Variants in SORCS1 observed in about 807,000 individuals in gnomAD.
SORCS1 encodes sortilin related VPS10 domain containing receptor 1.
In SORCS1, 60 loss-of-function variants were observed where a neutral mutation model predicts 146.1. The observed-to-expected ratio is 0.41, with a 90% CI of 0.33 to 0.51. The LOEUF is 0.51. Ranked by LOEUF, SORCS1 falls within the 20% of genes least tolerant of loss-of-function variation. SORCS1 has a pLI of 0.21. For missense variants in SORCS1, 1,352 were observed against 1,487.6 expected (o/e 0.91, Z 1.50); for synonymous variants, 637 against 584.0 (o/e 1.09, Z -1.31).
intron 5 of SORCS1, among the ~76,000 whole-genome samples, chr10:106,737,750 C>T (rs968803912): frequency 6.6e-6 from 1 of 152,054 alleles, no homozygotes; most frequent in Non-Finnish European, 1.5e-5. Flanking sequence ...AGAGAGATAC[C>T]AGGGACCATG....
intron 22 of SORCS1, among the ~76,000 whole-genome samples, chr10:106,610,227 T>C (rs550077173): frequency 1.3e-5 from 2 of 151,940 alleles, no homozygotes; most frequent in East Asian, 3.9e-4. Context: ...CTCCTTGGAA[T>C]AAGGAAGAGG....
rs1440452585 is a variant in SORCS1 at position 106,577,235 on chromosome 10, A to G, written c.*185T>C. 1 of 1,590,910 alleles carries G rather than the reference A, an allele frequency of 6.3e-7. No individual in the cohort carries two copies. The highest frequency in any genetic ancestry group is 1.1e-5 in the South Asian group (1 of 89,802). ...GCGTCCTCCATTCAAACATTTACAT[A>G]GGTAGGGATTTCTTTTGTGCTTTGA... On this transcript the variant is annotated 3_prime_UTR_variant, in exon 26 of 26. Transcript: ENST00000263054.
At chr10:106,777,373 A>G (rs1298046063) in intron 3 of SORCS1, among the ~76,000 whole-genome samples, 1 of 152,212 alleles carries the variant, frequency 6.6e-6, no homozygotes, top group Non-Finnish European at 1.5e-5. Context: ...CTGTCTGTAT[A>G]GTTCACAGAT....
chr10:106,626,083 A>T (rs1297615063), intron 19 of SORCS1, among the ~76,000 whole-genome samples: 1 of 152,154 alleles, frequency 6.6e-6, no homozygotes, highest in Non-Finnish European at 1.5e-5. Flanking sequence ...TGACCTTTGC[A>T]AACCCATCTT....
chr10:107,141,063 T>C (rs1394284068), intron 1 of SORCS1, among the ~76,000 whole-genome samples: 1 of 152,164 alleles, frequency 6.6e-6, no homozygotes, highest in Admixed American at 6.5e-5. Flanking sequence ...AGATTTCTCA[T>C]CTGTAAAATG....
chr10:106,700,641 A>T (rs911956798), intron 8 of SORCS1, among the ~76,000 whole-genome samples: 3 of 152,074 alleles, frequency 2.0e-5, no homozygotes, highest in Non-Finnish European at 4.4e-5. Context: ...TACTAACCTA[A>T]ATTTCTTATT....
chr10:107,085,674 G>GA (rs111765455), intron 1 of SORCS1, among the ~76,000 whole-genome samples: 5,510 of 152,236 alleles, frequency 0.036, 328 homozygotes, highest in African/African-American at 0.12. Context: ...CTCCAGCTCA[G>GA]AAAATACAGA....
At chr10:107,124,780 C>T (rs1356860351) in intron 1 of SORCS1, among the ~76,000 whole-genome samples, 2 of 151,904 alleles carry the variant, frequency 1.3e-5, no homozygotes, top group East Asian at 3.9e-4. Context: ...AAAAAGCAAC[C>T]GTGTATGAAA....
chr10:106,852,627 CA>C (rs370300215), intron 2 of SORCS1, among the ~76,000 whole-genome samples: 4,550 of 84,986 alleles, frequency 0.054, 141 homozygotes, highest in East Asian at 0.29. Flanking sequence ...GACCCTGTCT[CA>C]AAAAAAAAAA....
At position 107,022,414 on chromosome 10, in the gene SORCS1, C is replaced by T. The variant is rs76672890; in HGVS notation, c.559-65834G>A. ...GTGAAAGATTATTTAGCAGAATTTC[C>T]GAATGTTAGCTTTAGAAACAACCCT... is the stretch of plus-strand genomic sequence containing the variant. On this transcript the variant is annotated intron_variant, in intron 1 of 25. Transcript: ENST00000263054. Among the ~76,000 whole-genome samples, 1,222 of 152,136 alleles carry T rather than the reference C, an allele frequency of 8.0e-3. 10 individuals carry two copies. The highest frequency in any genetic ancestry group is 0.014 in the Non-Finnish European group (965 of 68,002).
chr10:106,673,734 G>A (rs1312526076), intron 14 of SORCS1, among the ~76,000 whole-genome samples: 1 of 152,168 alleles, frequency 6.6e-6, no homozygotes, highest in African/African-American at 2.4e-5. Flanking sequence ...CCTAGTGAAA[G>A]TGATCAGCAG....
chr10:106,996,515 C>A (rs1479150894), intron 1 of SORCS1, among the ~76,000 whole-genome samples: 2 of 152,122 alleles, frequency 1.3e-5, no homozygotes, highest in Admixed American at 1.3e-4. Context: ...TTGAGCTCAA[C>A]CTTGGCCCCT....
chr10:106,679,918 C>T (rs954496450), intron 10 of SORCS1, among the ~76,000 whole-genome samples, 184 bp from the exon 11 acceptor site: 2 of 152,108 alleles, frequency 1.3e-5, no homozygotes, highest in Admixed American at 6.6e-5. Context: ...CTAGTGTCCA[C>T]TAAGTGTAAA....
intron 1 of SORCS1, among the ~76,000 whole-genome samples, chr10:107,136,460 G>A (rs1467150443): frequency 6.6e-6 from 1 of 152,182 alleles, no homozygotes; most frequent in African/African-American, 2.4e-5. Context: ...CTTGAAAACA[G>A]TGGGTTTGCT....
upstream of SORCS1, among the ~76,000 whole-genome samples, chr10:107,166,461 A>G (rs1294450575): frequency 6.6e-6 from 1 of 152,198 alleles, no homozygotes; most frequent in African/African-American, 2.4e-5. Flanking sequence ...GAGTACCTAA[A>G]AGGACCTAAA....
chr10:106,642,306 T>C (rs1849124030), intron 18 of SORCS1, among the ~76,000 whole-genome samples: 1 of 152,170 alleles, frequency 6.6e-6, no homozygotes, highest in African/African-American at 2.4e-5. Flanking sequence ...GTGAATCTTT[T>C]GCCCTCTCTG....
intron 9 of SORCS1, among the ~76,000 whole-genome samples, chr10:106,690,224 C>G (rs1242534265): frequency 1.3e-5 from 2 of 152,254 alleles, no homozygotes; most frequent in African/African-American, 4.8e-5. Flanking sequence ...GTTCAAGAAG[C>G]TGTTACATAC....
chr10:107,012,949 G>A (rs917799065), intron 1 of SORCS1, among the ~76,000 whole-genome samples: 2 of 152,152 alleles, frequency 1.3e-5, no homozygotes, highest in African/African-American at 4.8e-5. Flanking sequence ...AGGTTGAGTT[G>A]CTTGTTTCTC....
At chr10:106,977,517 T>C (rs1322678272) in intron 1 of SORCS1, among the ~76,000 whole-genome samples, 1 of 152,136 alleles carries the variant, frequency 6.6e-6, no homozygotes, top group East Asian at 1.9e-4. Context: ...TCTGTGCTTC[T>C]TTAGTATCAT....
Sources: allele counts gnomAD v4.1 joint callset (sites outside exome capture counted in the v4.1 genomes callset), GRCh38; gene constraint gnomAD v4.1.1; transcripts MANE v1.5; gene names NCBI Gene and HGNC (gene_info 2026-07-23, HGNC 2026-07-21).